Variants in CSMD1 observed in about 807,000 individuals in gnomAD.
CSMD1 encodes the protein CUB and Sushi multiple domains 1.
In CSMD1, 213 loss-of-function variants were observed where a neutral mutation model predicts 417.5. The observed-to-expected ratio is 0.51, with a 90% CI of 0.46 to 0.57. The LOEUF (loss-of-function observed/expected upper bound fraction) is 0.57. Among genes scored for constraint, CSMD1 ranks in the 20% least tolerant of loss-of-function variants. The pLI is 0.00. For synonymous variants in CSMD1, 2,862 were observed against 1,736.8 expected (o/e 1.65, Z -16.11); for missense variants, 6,923 against 4,529.7 (o/e 1.53, Z -15.17).
intron 10 of CSMD1, among the ~76,000 whole-genome samples, chr8:3,500,347 G>C (rs1244319473): frequency 2.0e-5 from 3 of 152,126 alleles, no homozygotes; most frequent in Admixed American, 1.3e-4. Context: ...GACATTTCTA[G>C]ATGGTACGTC....
chr8:3,405,577 C>A (rs965463114), intron 15 of CSMD1, among the ~76,000 whole-genome samples: 3 of 151,188 alleles, frequency 2.0e-5, no homozygotes, highest in Non-Finnish European at 2.9e-5. Context: ...TGGGTACTTG[C>A]AGATGAATTT....
At chr8:4,362,809 G>C (rs1409985359) in intron 3 of CSMD1, among the ~76,000 whole-genome samples, 3 of 152,130 alleles carry the variant, frequency 2.0e-5, no homozygotes, top group African/African-American at 4.8e-5. Context: ...TATTATTGTA[G>C]TTTGATTTTA....
intron 1 of CSMD1, among the ~76,000 whole-genome samples, chr8:4,956,449 T>C (rs1809118096): frequency 6.7e-6 from 1 of 148,646 alleles, no homozygotes; most frequent in Admixed American, 6.7e-5. Flanking sequence ...AATATACATA[T>C]TAAAATATAT....
intron 2 of CSMD1, among the ~76,000 whole-genome samples, chr8:4,579,742 A>G (rs752453347): frequency 3.9e-5 from 6 of 152,016 alleles, no homozygotes; most frequent in Non-Finnish European, 7.4e-5. Context: ...TTTCCATGTA[A>G]ATTTACATGG....
chr8:3,815,303 T>G (rs1801310370), intron 5 of CSMD1, among the ~76,000 whole-genome samples: 1 of 152,162 alleles, frequency 6.6e-6, no homozygotes, highest in African/African-American at 2.4e-5. Context: ...CCAATGGTGT[T>G]GAGTATTAGT....
At chr8:4,446,733 C>CTGTGTGTGTGTG (rs758084825) in intron 2 of CSMD1, among the ~76,000 whole-genome samples, 5 of 134,034 alleles carry the variant, frequency 3.7e-5, no homozygotes, top group Non-Finnish European at 6.4e-5. Flanking sequence ...GTGTGTGTGT[C>CTGTGTGTGTGTG]TGTGTGTGTG....
intron 10 of CSMD1, among the ~76,000 whole-genome samples, chr8:3,510,295 T>A (rs1002011516): frequency 1.3e-5 from 2 of 151,840 alleles, no homozygotes; most frequent in Non-Finnish European, 2.9e-5. Context: ...CCACATGGCC[T>A]GCCTCTGTCT....
intron 23 of CSMD1, among the ~76,000 whole-genome samples, chr8:3,318,549 T>G (rs1805935184): frequency 6.6e-6 from 1 of 152,228 alleles, no homozygotes; most frequent in South Asian, 2.1e-4. Flanking sequence ...ATTCATTAAT[T>G]CAACACATAC....
chr8:4,043,284 T>C (rs748328545), intron 3 of CSMD1, among the ~76,000 whole-genome samples: 2 of 151,734 alleles, frequency 1.3e-5, no homozygotes, highest in Non-Finnish European at 2.9e-5. Context: ...TCACAGAAAG[T>C]ACCCAATCCA....
chr8:4,242,289 A>T (rs942227208), intron 3 of CSMD1, among the ~76,000 whole-genome samples: 5 of 152,204 alleles, frequency 3.3e-5, no homozygotes, highest in African/African-American at 1.2e-4. Flanking sequence ...TGAAGGGCAG[A>T]CTGGAAAATT....
Position 3,493,634 on chromosome 8 carries a change from C to T in CSMD1, c.1437G>A (p.Ser479=), listed in dbSNP as rs377216628. 29 of 1,609,508 alleles carry T rather than the reference C, an allele frequency of 1.8e-5. 1 individual carries two copies. In the African/African-American group the frequency reaches 1.9e-4, roughly 10 times the overall value. ...GDAGKVGDTR[S]VLYVLTGSSV... ...AAGGACATACTCACACGTACAAGAC[C>T]GATCTGGTGTCTCCCACCTTCCCAG... Residue 479 remains serine, a synonymous_variant, in exon 11 of 70, where the codon TCG becomes TCA. Coordinates refer to ENST00000635120, the MANE Select transcript of CSMD1 (RefSeq NM_033225.6).
intron 1 of CSMD1, among the ~76,000 whole-genome samples, chr8:4,941,108 G>T (rs995341663): frequency 6.6e-6 from 1 of 152,152 alleles, no homozygotes; most frequent in Non-Finnish European, 1.5e-5. Context: ...TTTGGAGTTT[G>T]TCTTTCGCCT....
intron 2 of CSMD1, among the ~76,000 whole-genome samples, chr8:4,611,874 A>G (rs138522185): frequency 1.0e-3 from 153 of 152,318 alleles, no homozygotes; most frequent in Non-Finnish European, 1.9e-3. Flanking sequence ...CACCTTCATA[A>G]TGCATCTTAA....
intron 2 of CSMD1, among the ~76,000 whole-genome samples, chr8:4,547,729 G>A (rs1000050411): frequency 1.3e-5 from 2 of 152,206 alleles, no homozygotes; most frequent in Non-Finnish European, 2.9e-5. Flanking sequence ...GCTATAAGCA[G>A]ATGATTCTGA....
intron 11 of CSMD1, among the ~76,000 whole-genome samples, chr8:3,479,461 G>C (rs1042077906): frequency 1.3e-5 from 2 of 152,008 alleles, no homozygotes; most frequent in Admixed American, 6.6e-5. Flanking sequence ...TGTACTTTTA[G>C]TACATATGGG....
intron 7 of CSMD1, among the ~76,000 whole-genome samples, chr8:3,622,269 G>A (rs975581360): frequency 2.0e-5 from 3 of 152,116 alleles, no homozygotes; most frequent in Non-Finnish European, 2.9e-5. Flanking sequence ...ACTACCTCAA[G>A]CAAAATCATT....
intron 5 of CSMD1, among the ~76,000 whole-genome samples, chr8:3,879,880 G>C (rs1300585340): frequency 6.6e-6 from 1 of 151,870 alleles, no homozygotes; most frequent in African/African-American, 2.4e-5. Flanking sequence ...TTCTGGTGTG[G>C]ATGTTGTATT....
intron 3 of CSMD1, among the ~76,000 whole-genome samples, chr8:4,301,749 T>C (rs890700361): frequency 1.3e-5 from 2 of 152,222 alleles, no homozygotes; most frequent in South Asian, 2.1e-4. Context: ...TTCACTATCA[T>C]GTCCTGCCTC....
chr8:4,916,583 G>C (rs181225662), intron 1 of CSMD1, among the ~76,000 whole-genome samples: 1 of 152,338 alleles, frequency 6.6e-6, no homozygotes, highest in African/African-American at 2.4e-5. Context: ...CTCAATAAAT[G>C]TAAGTTGAAA....
Sources: gnomAD v4.1 joint callset for allele counts (sites outside exome capture counted in the v4.1 genomes callset) on GRCh38, gnomAD v4.1.1 for gene constraint, MANE v1.5 for transcripts, NCBI Gene and HGNC (gene_info 2026-07-23, HGNC 2026-07-21) for gene names.